Variants in RIF1 observed in about 807,000 individuals in gnomAD.
RIF1 encodes telomere-associated protein RIF1.
A neutral mutation model predicts 247.1 loss-of-function variants in RIF1; 45 were observed. The observed-to-expected ratio is 0.18, with a 90% confidence interval of 0.14 to 0.23. The LOEUF (loss-of-function observed/expected upper bound fraction) is 0.23, where lower values mean the gene tolerates loss of function less well. RIF1 is among the 10% of genes least tolerant of loss of function. The probability of loss-of-function intolerance (pLI) is 1.00; values close to 1 mark genes in which losing one functional copy is unlikely to be tolerated. For missense variants in RIF1, 2,967 were observed against 2,862.5 expected (o/e 1.04, Z -0.83); for synonymous variants, 1,087 against 978.8 (o/e 1.11, Z -2.06).
At chr2:151,444,372 C>T (rs538311317) in intron 18 of RIF1, among the ~76,000 whole-genome samples, 9 of 152,204 alleles carry the variant, frequency 5.9e-5, no homozygotes, top group Admixed American at 6.5e-5. Flanking sequence ...TACAGTGGCA[C>T]GATCTTGGCT....
At chr2:151,515,000 G>GAA in the RIF1 span, 100 of 835,686 alleles carry the variant, frequency 1.2e-4, no homozygotes, top group South Asian at 3.2e-4. Context: ...ATCTCAGGAA[G>GAA]AAAAAAAAAA....
chr2:151,455,249 G>C, intron 22 of RIF1, 90 bp downstream of exon 22: 1 of 937,168 alleles, frequency 1.1e-6, no homozygotes, highest in Admixed American at 3.0e-5. Context: ...CTGTGTTGTA[G>C]ATGGTAGTCT....
the RIF1 span, chr2:151,527,110 T>C: frequency 1.2e-6 from 1 of 827,668 alleles, no homozygotes; most frequent in Non-Finnish European, 1.9e-6. Flanking sequence ...GGAGTCCTCT[T>C]AAGGAGAGGA....
In RIF1 at chr2:151,436,807, T is replaced by C; in HGVS notation, c.1196-20T>C. 1 of 444,204 alleles carries C rather than the reference T, an allele frequency of 2.3e-6. No homozygotes were observed. Among genetic ancestry groups the C allele is most frequent in the Non-Finnish European group, 3.3e-6 (1 of 305,642 alleles). 27.5% of individuals were successfully genotyped at this position (444,204 alleles called of 1,614,324 possible). On this transcript the variant is annotated intron_variant, in intron 11 of 35. Transcript: ENST00000444746. Reference sequence around the variant, plus strand: ...AAAATGAGCTTGTATGACTTAACTCTTTTTTTTTTTTTCTTAAAGGTGCTT... The same window carrying C: ...AAAATGAGCTTGTATGACTTAACTCCTTTTTTTTTTTTCTTAAAGGTGCTT...
the RIF1 span, chr2:151,525,897 C>A: frequency 2.5e-5 from 32 of 1,297,032 alleles, 1 homozygote; most frequent in Admixed American, 5.4e-4. Context: ...GACATTATTT[C>A]ACCAGATTCT....
chr2:151,446,299 G>A (rs971851309), intron 19 of RIF1, 127 bp from the exon 20 acceptor site: 29 of 897,524 alleles, frequency 3.2e-5, no homozygotes, highest in Admixed American at 1.7e-4. Context: ...GCACCCGGCC[G>A]TTAGTGTCTT....
exon 14 of RIF1, chr2:151,507,808 T>G: frequency 1.5e-5 from 8 of 546,578 alleles, no homozygotes; most frequent in African/African-American, 1.9e-5. Context: ...AAGTAACAGA[T>G]GAGTCTTTCA....
Position 151,445,460 on chromosome 2 carries a change from A to G in RIF1, c.2094+15A>G. 8.3e-7 allele frequency: 1 copy of G among 1,205,272 alleles called. No individual in the cohort carries two copies. The highest frequency in any genetic ancestry group is 1.2e-6 in the Non-Finnish European group (1 of 806,846). 74.7% of individuals were successfully genotyped at this position (1,205,272 alleles called of 1,614,324 possible). A position where few individuals can be genotyped will look rare whatever the true frequency, so the allele number is the denominator to read the frequency against. On this transcript the variant is annotated intron_variant, in intron 19 of 35. Coordinates refer to ENST00000444746, the MANE Select transcript of RIF1 (RefSeq NM_018151.5). The stretch of plus-strand genomic sequence containing the variant: ...GATTTCCAGTGGTAAGGCATTGTCA[A>G]GTATTGATTTCCGAGGGATTTGTAT...
At position 151,464,793 on chromosome 2, in the gene RIF1, A is replaced by G; in HGVS notation, c.5273A>G (p.Glu1758Gly). 1 of 1,614,030 alleles carries G rather than the reference A, an allele frequency of 6.2e-7. No individual in the cohort carries two copies. The highest frequency in any genetic ancestry group is 8.5e-7 in the Non-Finnish European group (1 of 1,179,966). ...GLKNTENNDV[E>G]ISETKKADVQ... ...AAGAATACAGAAAATAATGACGTAG[A>G]GATTAGTGAAACAAAAAAGGCAGAT... The change falls in exon 30 of 36, where the codon GAG (glutamate) becomes GGG (glycine). Residue 1758 changes from glutamate (E) to glycine (G), a missense_variant. Glu to Gly is a moderately conservative substitution (Grantham distance 98, BLOSUM62 -2). Around this residue, in one of 7 missense-constraint regions of RIF1, gnomAD observed 2,028 missense variants for 1,825.6 expected, o/e 1.11. Coordinates refer to ENST00000444746, the MANE Select transcript of RIF1 (RefSeq NM_018151.5).
At chr2:151,459,010 C>A (rs987311077) in intron 25 of RIF1, 100 bp downstream of exon 25, 1 of 663,904 alleles carries the variant, frequency 1.5e-6, no homozygotes, top group Non-Finnish European at 2.5e-6. Flanking sequence ...AGTTTTGTAA[C>A]ATAGGCTTTT....
chr2:151,462,567 T>A, intron 29 of RIF1, 101 bp downstream of exon 29: 1 of 747,202 alleles, frequency 1.3e-6, no homozygotes, highest in East Asian at 2.7e-5. Context: ...TTTATTAATT[T>A]TAAAATTTAT....
At chr2:151,444,885 C>T (rs1305006526) in intron 18 of RIF1, among the ~76,000 whole-genome samples, 1 of 152,198 alleles carries the variant, frequency 6.6e-6, no homozygotes, top group Admixed American at 6.5e-5. Flanking sequence ...GATTTATTCT[C>T]TCACCGTTCT....
intron 20 of RIF1, among the ~76,000 whole-genome samples, chr2:151,447,136 G>A (rs564379496): frequency 1.3e-5 from 2 of 151,676 alleles, no homozygotes; most frequent in African/African-American, 4.8e-5. Flanking sequence ...GTAGAGACGG[G>A]GTTTCACCGT....
At position 151,465,703 on chromosome 2, in the gene RIF1, A is replaced by G. The variant is rs1485082692; in HGVS notation, c.6183A>G (p.Ala2061=). 3.1e-6 allele frequency: 5 copies of G among 1,614,106 alleles called. No individual in the cohort carries two copies. Among genetic ancestry groups the G allele is most frequent in the Non-Finnish European group, 3.4e-6 (4 of 1,180,046 alleles). ...PDEAETNMLT[A]EMDNFVCDTV... ...AAGCTGAAACAAACATGTTGACTGCAGAAATGGACAACTTTGTTTGTGACA... is the reference window on the plus strand; with the variant it reads ...AAGCTGAAACAAACATGTTGACTGCGGAAATGGACAACTTTGTTTGTGACA... The change falls in exon 30 of 36, where the codon GCA becomes GCG. Residue 2061 remains alanine, a synonymous_variant. Coordinates refer to ENST00000444746, the MANE Select transcript of RIF1 (RefSeq NM_018151.5).
At chr2:151,530,284 A>G in the RIF1 span, among the ~76,000 whole-genome samples, 1 of 152,216 alleles carries the variant, frequency 6.6e-6, no homozygotes. Context: ...GGAAAGGCAC[A>G]GAGAAGGCTT....
chr2:151,490,306 C>A, intron 9 of RIF1: 1 of 1,540,274 alleles, frequency 6.5e-7, no homozygotes, highest in Non-Finnish European at 8.8e-7. Context: ...CTCAAAGCAT[C>A]TCTTATAGTA....
intron 16 of RIF1, 30 bp downstream of exon 16, chr2:151,442,021 A>G: frequency 5.2e-6 from 4 of 771,622 alleles, no homozygotes; most frequent in Non-Finnish European, 7.9e-6. Flanking sequence ...TATGATGAAG[A>G]TTGGCCAAAA....
intron 10 of RIF1, chr2:151,497,189 T>G: frequency 5.3e-6 from 4 of 750,776 alleles, no homozygotes; most frequent in Non-Finnish European, 6.5e-6. Flanking sequence ...ACTACTTTAC[T>G]TTAGTGGAAG....
chr2:151,412,377 G>A (rs1686404793), intron 3 of RIF1, among the ~76,000 whole-genome samples: 1 of 151,660 alleles, frequency 6.6e-6, no homozygotes. Flanking sequence ...TTGAGGTGGG[G>A]GTCTTGATAG....
Sources: allele counts gnomAD v4.1 joint callset (sites outside exome capture counted in the v4.1 genomes callset), GRCh38; gene constraint gnomAD v4.1.1; regional missense constraint gnomAD v4.1.1; transcripts MANE v1.5; gene names NCBI Gene and HGNC (gene_info 2026-07-23, HGNC 2026-07-21).